Variants in LIN7A observed in about 807,000 individuals in gnomAD.
The protein encoded by LIN7A is protein lin-7 homolog A.
Under a neutral mutation model 29.8 loss-of-function variants are expected in LIN7A, and 25 were observed. The observed-to-expected ratio is 0.84, with a 90% CI of 0.61 to 1.17. The LOEUF (loss-of-function observed/expected upper bound fraction) is 1.17. Among genes scored for constraint, LIN7A ranks in the 50% most tolerant of loss-of-function variants. The pLI, the probability that LIN7A is intolerant of heterozygous loss-of-function variation, is 0.00. For synonymous variants in LIN7A, 118 were observed against 107.5 expected (o/e 1.10, Z -0.60); for missense variants, 239 against 287.0 (o/e 0.83, Z 1.21).
At chr12:80,830,741 T>C (rs1872306843) in intron 4 of LIN7A, among the ~76,000 whole-genome samples, 1 of 152,236 alleles carries the variant, frequency 6.6e-6, no homozygotes, top group South Asian at 2.1e-4. Flanking sequence ...TTCACTGGTT[T>C]TTCGTTGCTT....
chr12:80,841,586 C>G (rs1196021262), intron 4 of LIN7A: 4 of 152,062 alleles, frequency 2.6e-5, no homozygotes, highest in African/African-American at 9.7e-5. Context: ...TTTCCCCAGG[C>G]TTTGATATTT....
intron 4 of LIN7A, among the ~76,000 whole-genome samples, chr12:80,834,539 C>A (rs1435011640): frequency 3.3e-5 from 5 of 152,106 alleles, no homozygotes; most frequent in Non-Finnish European, 7.4e-5. Flanking sequence ...TAGGAAAGGC[C>A]TATGATCAAA....
intron 2 of LIN7A, among the ~76,000 whole-genome samples, chr12:80,860,629 TCTTCAGAAC>T (rs1032242028): frequency 1.3e-5 from 2 of 152,114 alleles, no homozygotes; most frequent in African/African-American, 4.8e-5. Context: ...GGAATCAAAG[TCTTCAGAAC>T]CCAGAACAAC....
intron 4 of LIN7A, among the ~76,000 whole-genome samples, chr12:80,822,529 G>A (rs1871857236): frequency 6.6e-6 from 1 of 152,164 alleles, no homozygotes; most frequent in Non-Finnish European, 1.5e-5. Context: ...CTTCACTCCA[G>A]CCTGGGTGAA....
In LIN7A at chr12:80,845,771, C is replaced by T. The variant is rs1405200580; in HGVS notation, c.442G>A (p.Gly148Ser). ...IPGGVAERHG[G>S]LKRGDQLLSV... Reference sequence around the variant, plus strand: ...AGCAGCTGGTCTCCTCTTTTGAGGCCTCCGTGTCTTTCAGCCACCCCTCCA... The same window carrying T: ...AGCAGCTGGTCTCCTCTTTTGAGGCTTCCGTGTCTTTCAGCCACCCCTCCA... The change falls in exon 4 of 6, where the codon GGC becomes AGC. Residue 148 changes from glycine (G) to serine (S), a missense_variant. By Grantham distance (56) the Gly-to-Ser change is moderately conservative. Coordinates refer to ENST00000552864, the MANE Select transcript of LIN7A (RefSeq NM_004664.4). The T allele has an allele frequency of 6.2e-7, 1 of 1,613,800 alleles. No homozygotes were observed. The highest frequency in any genetic ancestry group is 1.1e-5 in the South Asian group (1 of 91,028).
chr12:80,932,312 G>T (rs535853511), intron 1 of LIN7A, among the ~76,000 whole-genome samples: 14 of 152,156 alleles, frequency 9.2e-5, no homozygotes, highest in African/African-American at 3.1e-4. Flanking sequence ...AAAAGTTCTT[G>T]GTTTTATAGC....
At chr12:80,872,561 A>T (rs1399413551) in intron 2 of LIN7A, among the ~76,000 whole-genome samples, 1 of 152,204 alleles carries the variant, frequency 6.6e-6, no homozygotes, top group Non-Finnish European at 1.5e-5. Context: ...ATTATAGTGT[A>T]TTCATAATTT....
chr12:80,898,202 A>G (rs552787756), intron 1 of LIN7A, among the ~76,000 whole-genome samples: 1 of 152,212 alleles, frequency 6.6e-6, no homozygotes, highest in Non-Finnish European at 1.5e-5. Context: ...CTAGCCAGTT[A>G]TAACAGCACC....
intron 1 of LIN7A, among the ~76,000 whole-genome samples, chr12:80,894,178 T>C (rs942111688): frequency 2.6e-5 from 4 of 152,206 alleles, no homozygotes; most frequent in Non-Finnish European, 4.4e-5. Context: ...ACAGTTCCCT[T>C]AGGTTCTTGT....
At chr12:80,815,355 C>T (rs1871483028) in intron 4 of LIN7A, among the ~76,000 whole-genome samples, 1 of 152,188 alleles carries the variant, frequency 6.6e-6, no homozygotes, top group African/African-American at 2.4e-5. Context: ...AAAAGATCTA[C>T]TCAGTTAGGG....
chr12:80,912,713 C>CAAAAAAA (rs5799498), intron 1 of LIN7A, among the ~76,000 whole-genome samples: 1 of 135,352 alleles, frequency 7.4e-6, no homozygotes, highest in Non-Finnish European at 1.5e-5. Flanking sequence ...AGACTTGTCT[C>CAAAAAAA]AAAAAAAAAA....
chr12:80,867,305 T>C (rs1439131924), intron 2 of LIN7A, among the ~76,000 whole-genome samples: 1 of 152,140 alleles, frequency 6.6e-6, no homozygotes, highest in East Asian at 1.9e-4. Flanking sequence ...GGACTTCCAC[T>C]CATGCCCCAT....
intron 4 of LIN7A, 93 bp from the exon 5 acceptor site, chr12:80,811,776 A>C: frequency 7.0e-7 from 1 of 1,434,246 alleles, no homozygotes; most frequent in Non-Finnish European, 9.4e-7. Flanking sequence ...AAGAACCCAA[A>C]ATTTAAAATT....
chr12:80,907,053 C>CTGTGTGTGTGTGTGTGTGTGTGTG, intron 1 of LIN7A, among the ~76,000 whole-genome samples: 1 of 132,950 alleles, frequency 7.5e-6, no homozygotes, highest in Non-Finnish European at 1.6e-5. Flanking sequence ...AGAGTGCGTG[C>CTGTGTGTGTGTGTGTGTGTGTGTG]TCTGTGTGTG....
At chr12:80,825,296 C>T (rs1342270943) in intron 4 of LIN7A, among the ~76,000 whole-genome samples, 1 of 152,166 alleles carries the variant, frequency 6.6e-6, no homozygotes, top group Non-Finnish European at 1.5e-5. Context: ...GCAATTCTGC[C>T]AAGACCCTAA....
chr12:80,914,107 T>C (rs10862208), intron 1 of LIN7A, among the ~76,000 whole-genome samples: 31,531 of 152,040 alleles, frequency 0.21, 5,938 homozygotes, highest in African/African-American at 0.48. Context: ...AAGCATGCCA[T>C]CAAGATCTCT....
chr12:80,841,764 G>T, intron 4 of LIN7A: 2 of 381,158 alleles, frequency 5.2e-6, no homozygotes, highest in Non-Finnish European at 7.2e-6. Flanking sequence ...GCTCCACATT[G>T]GCTGCAACCC....
chr12:80,910,084 A>C (rs557549984), intron 1 of LIN7A, among the ~76,000 whole-genome samples: 1 of 152,248 alleles, frequency 6.6e-6, no homozygotes, highest in African/African-American at 2.4e-5. Flanking sequence ...TTGTACCTTC[A>C]GTAAACAATT....
rs796370451 is a variant in LIN7A at position 80,841,405 on chromosome 12, AAGG to A, written c.483+4322_483+4324del. Among the ~76,000 whole-genome samples the A allele has an allele frequency of 1.4e-3, 207 of 145,744 alleles. 1 individual carries two copies. The highest frequency in any genetic ancestry group is 5.0e-3 in the African/African-American group (198 of 39,650). Reference sequence around the variant, plus strand: ...GAAGGAAGGAAGGAAGGAAGGAAGGAAGGAGGGAAAGAAAGTACGAACAGCACC... The same window carrying A: ...GAAGGAAGGAAGGAAGGAAGGAAGGAAGGGAAAGAAAGTACGAACAGCACC... On this transcript the variant is annotated intron_variant, in intron 4 of 5. Transcript: ENST00000552864.
Sources: gnomAD v4.1 joint callset for allele counts (sites outside exome capture counted in the v4.1 genomes callset) on GRCh38, gnomAD v4.1.1 for gene constraint, MANE v1.5 for transcripts, NCBI Gene and HGNC (gene_info 2026-07-23, HGNC 2026-07-21) for gene names.